SPIRE1: variants seen among roughly 807,000 people sequenced by gnomAD.
SPIRE1 encodes spire type actin nucleation factor 1.
A neutral mutation model predicts 94.1 loss-of-function variants in SPIRE1; 40 were observed. That is an observed-to-expected ratio of 0.43 (90% confidence interval 0.33 to 0.55). SPIRE1 has a LOEUF of 0.55. Ranked by LOEUF, SPIRE1 falls within the 20% of genes least tolerant of loss-of-function variation. The pLI is 0.06. For synonymous variants in SPIRE1, 376 were observed against 371.7 expected (o/e 1.01, Z -0.13); for missense variants, 838 against 975.2 (o/e 0.86, Z 1.87).
At chr18:12,652,184 T>C (rs760207448) in intron 1 of SPIRE1, among the ~76,000 whole-genome samples, 2 of 152,196 alleles carry the variant, frequency 1.3e-5, no homozygotes, top group Non-Finnish European at 2.9e-5. Flanking sequence ...CATGTGAAGA[T>C]CTAGACTATA....
intron 3 of SPIRE1, among the ~76,000 whole-genome samples, chr18:12,541,856 A>G (rs1598451527): frequency 2.9e-5 from 1 of 34,384 alleles, no homozygotes; most frequent in Non-Finnish European, 1.1e-4. Flanking sequence ...TAGCCACATC[A>G]AAAAAAAATA....
chr18:12,467,005 C>T (rs766201479), intron 10 of SPIRE1, among the ~76,000 whole-genome samples: 3 of 152,286 alleles, frequency 2.0e-5, no homozygotes, highest in Non-Finnish European at 4.4e-5. Context: ...CTAGGCTGGG[C>T]AAGGTGGCTC....
At chr18:12,453,245 C>G (rs2031334247) in intron 13 of SPIRE1, 107 bp from the exon 14 acceptor site, 1 of 657,140 alleles carries the variant, frequency 1.5e-6, no homozygotes, top group Admixed American at 3.3e-5. Context: ...GCTGAACAGA[C>G]AAGAGGAGGA....
At chr18:12,473,810 C>T (rs1014462005) in intron 10 of SPIRE1, among the ~76,000 whole-genome samples, 1 of 152,116 alleles carries the variant, frequency 6.6e-6, no homozygotes, top group Non-Finnish European at 1.5e-5. Flanking sequence ...AATTTGGACC[C>T]ACATTTAAGT....
chr18:12,536,993 T>A (rs564834698), intron 3 of SPIRE1, among the ~76,000 whole-genome samples: 6 of 152,336 alleles, frequency 3.9e-5, no homozygotes, highest in African/African-American at 1.4e-4. Flanking sequence ...TAGTTTGTAA[T>A]AGCCTTAATA....
chr18:12,645,850 C>G (rs2038209258), intron 1 of SPIRE1, among the ~76,000 whole-genome samples: 1 of 152,116 alleles, frequency 6.6e-6, no homozygotes, highest in Non-Finnish European at 1.5e-5. Context: ...ATCATCTGAT[C>G]CCAGCCAACG....
At chr18:12,564,800 G>A (rs2035776310) in intron 2 of SPIRE1, among the ~76,000 whole-genome samples, 1 of 152,118 alleles carries the variant, frequency 6.6e-6, no homozygotes, top group African/African-American at 2.4e-5. Context: ...GGTCAGAGGA[G>A]GACCCTCACA....
At chr18:12,577,530 C>G (rs556606358) in intron 2 of SPIRE1, among the ~76,000 whole-genome samples, 16 of 152,148 alleles carry the variant, frequency 1.1e-4, no homozygotes, top group Non-Finnish European at 2.2e-4. Context: ...AGGAGAAAAT[C>G]TGCATGACAC....
At chr18:12,455,641 G>C (rs912379712) in intron 12 of SPIRE1, among the ~76,000 whole-genome samples, 1 of 152,122 alleles carries the variant, frequency 6.6e-6, no homozygotes, top group East Asian at 1.9e-4. Context: ...ATCCGGCCCC[G>C]CACTTGATTG....
chr18:12,567,164 A>G (rs1307317724), intron 2 of SPIRE1, among the ~76,000 whole-genome samples: 4 of 152,240 alleles, frequency 2.6e-5, no homozygotes, highest in Admixed American at 2.6e-4. Flanking sequence ...CAATCATTTT[A>G]ATACATATCA....
chr18:12,601,802 G>C (rs1396891434), intron 2 of SPIRE1, among the ~76,000 whole-genome samples: 1 of 152,228 alleles, frequency 6.6e-6, no homozygotes, highest in Admixed American at 6.5e-5. Flanking sequence ...TCAGTATTTT[G>C]TTCCTTTTTA....
intron 2 of SPIRE1, among the ~76,000 whole-genome samples, chr18:12,634,560 G>A (rs1226478359): frequency 1.3e-5 from 2 of 151,972 alleles, no homozygotes; most frequent in South Asian, 4.1e-4. Flanking sequence ...ACAACCTGAC[G>A]TTACAAAAAT....
intron 4 of SPIRE1, among the ~76,000 whole-genome samples, chr18:12,531,499 G>A (rs1271852135): frequency 6.6e-6 from 1 of 152,102 alleles, no homozygotes; most frequent in Non-Finnish European, 1.5e-5. Flanking sequence ...CTATGTAGTG[G>A]AACACCTTTG....
chr18:12,658,743 G>A (rs1794697278), upstream of SPIRE1: 2 of 396,886 alleles, frequency 5.0e-6, no homozygotes, highest in African/African-American at 2.1e-5. Flanking sequence ...CTTGCTGGTT[G>A]AATACCTCCC....
chr18:12,504,120 G>T (rs1185308404), intron 6 of SPIRE1, among the ~76,000 whole-genome samples: 1 of 146,806 alleles, frequency 6.8e-6, no homozygotes, highest in Non-Finnish European at 1.5e-5. Flanking sequence ...CAGATTTGAT[G>T]AAAAGTAAAT....
At chr18:12,459,774 C>T (rs997549748) in intron 12 of SPIRE1, 2 of 985,766 alleles carry the variant, frequency 2.0e-6, no homozygotes, top group African/African-American at 3.5e-5. Flanking sequence ...TTTCCACCTG[C>T]TGGTAAAAGC....
chr18:12,453,055 C>A lies in SPIRE1; in HGVS notation c.1847+13G>T, dbSNP rs771689258. On this transcript the variant is annotated intron_variant, in intron 14 of 16. Coordinates refer to ENST00000409402, the MANE Select transcript of SPIRE1 (RefSeq NM_001128626.2). ...GTTAAATTTATCTTTTCATCAATTA[C>A]AAAATACCTTACCTCTTACAGAACT... 1.2e-5 allele frequency: 19 copies of A among 1,529,800 alleles called. No homozygotes were observed. The highest frequency in any genetic ancestry group is 1.6e-5 in the Non-Finnish European group (18 of 1,136,188). The allele number at this position is 1,529,800 out of a possible 1,614,324, so 94.8% of individuals were successfully genotyped here.
intron 2 of SPIRE1, among the ~76,000 whole-genome samples, chr18:12,565,809 GC>G (rs1350544192): frequency 6.6e-6 from 1 of 151,998 alleles, no homozygotes; most frequent in Non-Finnish European, 1.5e-5. Context: ...GCCGAGGCAG[GC>G]AGATCATGAG....
chr18:12,493,735 C>A (rs1033523488), intron 7 of SPIRE1, among the ~76,000 whole-genome samples: 54 of 152,160 alleles, frequency 3.5e-4, no homozygotes, highest in Non-Finnish European at 5.9e-5. Flanking sequence ...CTCAAGGGGT[C>A]CTTCTGCCTG....
Sources: allele counts gnomAD v4.1 joint callset (sites outside exome capture counted in the v4.1 genomes callset), GRCh38; gene constraint gnomAD v4.1.1; transcripts MANE v1.5; gene names NCBI Gene and HGNC (gene_info 2026-07-23, HGNC 2026-07-21).